The following HSPA5 variants were observed in gnomAD, a reference collection of about 807,000 sequenced individuals.
HSPA5 encodes endoplasmic reticulum chaperone BiP.
Under a neutral mutation model 49.5 loss-of-function variants are expected in HSPA5, and 16 were observed. The ratio of observed to expected loss-of-function variants is 0.32; its 90% confidence interval spans 0.22 to 0.49. The LOEUF (loss-of-function observed/expected upper bound fraction) is 0.49, where lower values mean the gene tolerates loss of function less well. Among genes scored for constraint, HSPA5 ranks in the 20% least tolerant of loss-of-function variants. The pLI, the probability that HSPA5 is intolerant of heterozygous loss-of-function variation, is 0.99. For synonymous variants in HSPA5, 271 were observed against 307.2 expected, an observed-to-expected ratio of 0.88 and a Z score of 1.23; for missense variants, 376 against 819.0, an observed-to-expected ratio of 0.46 and a Z score of 6.60.
Position 125,240,441 on chromosome 9 carries a change from G to T in HSPA5, c.355-132C>A, listed in dbSNP as rs1832549606. The stretch of plus-strand genomic sequence containing the variant: ...GCAAATTGACTAGAAATACTTCAGG[G>T]AGTATAGGTGTCTTACAAAGTTCAG... On this transcript the variant is annotated intron_variant, in intron 2 of 7. Coordinates refer to ENST00000324460, the MANE Select transcript of HSPA5 (RefSeq NM_005347.5). This position sits in a 1 kb window ranked among gnomAD's most constrained non-coding sequence, Gnocchi z 4.4. 2.5e-6 allele frequency: 2 copies of T among 794,840 alleles called. No homozygotes were observed. Among genetic ancestry groups the T allele is most frequent in the Non-Finnish European group, 2.0e-6 (1 of 497,966 alleles). 49.2% of individuals were successfully genotyped at this position (794,840 alleles called of 1,614,324 possible).
Position 125,240,563 on chromosome 9 carries a change from C to T in HSPA5, c.354+113G>A. 2.3e-6 allele frequency: 2 copies of T among 861,978 alleles called. No homozygotes were observed. The highest frequency in any genetic ancestry group is 4.8e-5 in the Admixed American group (2 of 41,658). The allele number at this position is 861,978 out of a possible 1,614,324, so 53.4% of individuals were successfully genotyped here. ...CTAATAGTATTAAAGTTATTACATACATCATGTCTATAACCTTCAACTGTT... is the reference window on the plus strand; with the variant it reads ...CTAATAGTATTAAAGTTATTACATATATCATGTCTATAACCTTCAACTGTT... On this transcript the variant is annotated intron_variant, in intron 2 of 7. Coordinates refer to ENST00000324460, the MANE Select transcript of HSPA5 (RefSeq NM_005347.5). This position sits in a 1 kb window ranked among gnomAD's most constrained non-coding sequence, Gnocchi z 4.4.
chr9:125,241,341 G>A lies in HSPA5; in HGVS notation c.-215C>T, dbSNP rs1832565466. The A allele has an allele frequency of 5.2e-6, 3 of 578,376 alleles. No individual in the cohort carries two copies. The highest frequency in any genetic ancestry group is 5.9e-6 in the Non-Finnish European group (2 of 336,174). The allele number at this position is 578,376 out of a possible 1,614,324, so 35.8% of individuals were successfully genotyped here. A position where few individuals can be genotyped will look rare whatever the true frequency, so the allele number is the denominator to read the frequency against. On this transcript the variant is annotated 5_prime_UTR_variant, in exon 1 of 8. The change creates a new upstream start codon in the 5' untranslated region. Transcript: ENST00000324460. ...ATCTGTCTGTGCTGTCTTGGCCGGC[G>A]TCGACCTCACCGTCGCCTACTCGGC...
At chr9:125,237,548 T>C (rs1285245404) in intron 7 of HSPA5, among the ~76,000 whole-genome samples, 1 of 151,608 alleles carries the variant, frequency 6.6e-6, no homozygotes, top group Non-Finnish European at 1.5e-5. Flanking sequence ...AAACTCCGCC[T>C]CTACTAAAAA....
At position 125,239,784 on chromosome 9, in the gene HSPA5, A is replaced by G. The variant is rs1003459903; in HGVS notation, c.493-251T>C. ...GTGCCTGTAGTTCCAGTTACTTGGG[A>G]GGCTGAGGCAGGAGAGCTGCTTGAA... is the stretch of plus-strand genomic sequence containing the variant. On this transcript the variant is annotated intron_variant, in intron 3 of 7. Transcript: ENST00000324460. The surrounding 1 kb of genome is among the most constrained non-coding windows in gnomAD (Gnocchi z 5.5). 5.3e-5 allele frequency among the ~76,000 whole-genome samples: 8 copies of G among 151,696 alleles called. No homozygotes were observed. The highest frequency in any genetic ancestry group is 1.2e-4 in the Non-Finnish European group (8 of 67,972).
intron 6 of HSPA5, 84 bp downstream of exon 6, chr9:125,238,506 T>C: frequency 8.4e-7 from 1 of 1,185,842 alleles, no homozygotes; most frequent in South Asian, 1.3e-5. Flanking sequence ...GTTGCTCATA[T>C]TCTGGTATTT....
chr9:125,235,584 C>T lies in HSPA5; in HGVS notation c.*1008G>A, dbSNP rs945669507. On this transcript the variant is annotated 3_prime_UTR_variant, in exon 8 of 8. Coordinates refer to ENST00000324460, the MANE Select transcript of HSPA5 (RefSeq NM_005347.5). The stretch of plus-strand genomic sequence containing the variant: ...AAGTAATCCTAAACCAGTTTTGACA[C>T]AAACCATTGCCTTTAACAACCCATT... 1 of 152,078 alleles carries T rather than the reference C, an allele frequency of 6.6e-6. No homozygotes were observed. The highest frequency in any genetic ancestry group is 2.4e-5 in the African/African-American group (1 of 41,412). The allele number at this position is 152,078 out of a possible 1,614,324, so 9.4% of individuals were successfully genotyped here. A position where few individuals can be genotyped will look rare whatever the true frequency, so the allele number is the denominator to read the frequency against.
Position 125,239,227 on chromosome 9 carries a change from A to G in HSPA5, c.710T>C (p.Ile237Thr), listed in dbSNP as rs746095580. ...GGTFDVSLLT[I>T]DNGVFEVVAT... ...CACAACTTCGAAGACACCATTGTCA[A>G]TGGTGAGAAGAGACACATCGAAGGT... Residue 237 changes from isoleucine (I) to threonine (T), a missense_variant, in exon 5 of 8, where the codon ATT becomes ACT. Physicochemically the swap from Ile to Thr is moderately conservative, Grantham distance 89. Around this residue, in one of 8 missense-constraint regions of HSPA5, gnomAD observed 10 missense variants for 57.4 expected, o/e 0.17. Transcript: ENST00000324460. This position sits in a 1 kb window ranked among gnomAD's most constrained non-coding sequence, Gnocchi z 5.5. The G allele has an allele frequency of 1.2e-6, 2 of 1,614,220 alleles. No individual in the cohort carries two copies. Among genetic ancestry groups the G allele is most frequent in the Non-Finnish European group, 1.7e-6 (2 of 1,180,040 alleles).
chr9:125,237,921 G>A (rs1378430851), intron 7 of HSPA5, among the ~76,000 whole-genome samples: 1 of 152,074 alleles, frequency 6.6e-6, no homozygotes, highest in African/African-American at 2.4e-5. Flanking sequence ...GGGAAACATG[G>A]TGAAACCCCA....
chr9:125,241,277 C>G lies in HSPA5; in HGVS notation c.-151G>C, dbSNP rs1035616975. The G allele has an allele frequency of 3.5e-6, 3 of 851,556 alleles. No individual in the cohort carries two copies. The highest frequency in any genetic ancestry group is 5.4e-6 in the Non-Finnish European group (3 of 557,606). The allele number at this position is 851,556 out of a possible 1,614,324, so 52.8% of individuals were successfully genotyped here. A position where few individuals can be genotyped will look rare whatever the true frequency, so the allele number is the denominator to read the frequency against. On this transcript the variant is annotated 5_prime_UTR_variant, in exon 1 of 8. Coordinates refer to ENST00000324460, the MANE Select transcript of HSPA5 (RefSeq NM_005347.5). ...GCAGGTCTAGAAATACAGGCCGCGGCGCTTCCCTCTCACACTCGCGAAACA... is the reference window on the plus strand; with the variant it reads ...GCAGGTCTAGAAATACAGGCCGCGGGGCTTCCCTCTCACACTCGCGAAACA...
At position 125,238,930 on chromosome 9, in the gene HSPA5, A is replaced by G; in HGVS notation, c.996+11T>C. The G allele has an allele frequency of 6.2e-7, 1 of 1,603,658 alleles. No homozygotes were observed. Among genetic ancestry groups the G allele is most frequent in the South Asian group, 1.1e-5 (1 of 90,000 alleles). ...AGATCTCATTAGCAAAGCAGAAAAC[A>G]AGGAACATACCATGTTGAGCTCTTC... On this transcript the variant is annotated intron_variant, in intron 5 of 7. Transcript: ENST00000324460.
Position 125,241,103 on chromosome 9 carries a change from C to T in HSPA5, c.24G>A (p.Ala8=), listed in dbSNP as rs201266003. 180 of 1,612,912 alleles carry T rather than the reference C, an allele frequency of 1.1e-4. No individual in the cohort carries two copies. In the African/African-American group the frequency reaches 2.1e-3, roughly 18 times the overall value. Reference sequence around the variant, plus strand: ...GCGCCGCGCTGAGCAGCAGCAGCATCGCGGCCACCAGGGAGAGCTTCATCT... The same window carrying T: ...GCGCCGCGCTGAGCAGCAGCAGCATTGCGGCCACCAGGGAGAGCTTCATCT... MKLSLVA[A]MLLLLSAARA... The change falls in exon 1 of 8, where the codon GCG becomes GCA. Residue 8 remains alanine, a synonymous_variant. Transcript: ENST00000324460.
At position 125,241,091 on chromosome 9, in the gene HSPA5, C is replaced by G. The variant is rs756048183; in HGVS notation, c.36G>C (p.Leu12=). 2 of 1,613,136 alleles carry G rather than the reference C, an allele frequency of 1.2e-6. No homozygotes were observed. The highest frequency in any genetic ancestry group is 1.7e-6 in the Non-Finnish European group (2 of 1,179,712). Residue 12 remains leucine (L), a synonymous_variant, in exon 1 of 8, where the codon CTG becomes CTC. Transcript: ENST00000324460. ...KLSLVAAMLL[L]LSAARAEEED... is the part of the protein sequence containing the mutation. ...CCTCCTCGGCCCGCGCCGCGCTGAG[C>G]AGCAGCAGCATCGCGGCCACCAGGG...
At position 125,238,781 on chromosome 9, in the gene HSPA5, T is replaced by C; in HGVS notation, c.1043A>G (p.Asp348Gly). 2 of 1,614,186 alleles carry C rather than the reference T, an allele frequency of 1.2e-6. No homozygotes were observed. Among genetic ancestry groups the C allele is most frequent in the Non-Finnish European group, 1.7e-6 (2 of 1,180,038 alleles). Residue 348 changes from aspartate (D) to glycine (G), a missense_variant, in exon 6 of 8, where the codon GAT (aspartate) becomes GGT (glycine). Physicochemically the swap from Asp to Gly is moderately conservative, Grantham distance 94. Coordinates refer to ENST00000324460, the MANE Select transcript of HSPA5 (RefSeq NM_005347.5). ...TMKPVQKVLEDSDLKKSDIDE... is the reference protein window; with the variant it reads ...TMKPVQKVLEGSDLKKSDIDE... ...AATATCAGACTTCTTCAAATCAGAA[T>C]CTTCCAACACTTTCTGGACGGGCTT...
Position 125,236,359 on chromosome 9 carries a change from C to T in HSPA5, c.*233G>A. ...TTGAAGGTGAACACACACCCTAACC[C>T]AGGTTTTTTACCCGCTTTTTAAGAT... is the stretch of plus-strand genomic sequence containing the variant. On this transcript the variant is annotated 3_prime_UTR_variant, in exon 8 of 8. Transcript: ENST00000324460. 2.1e-6 allele frequency: 1 copy of T among 475,542 alleles called. No homozygotes were observed. The highest frequency in any genetic ancestry group is 4.0e-5 in the South Asian group (1 of 24,698). 29.5% of individuals were successfully genotyped at this position (475,542 alleles called of 1,614,324 possible). A position where few individuals can be genotyped will look rare whatever the true frequency, so the allele number is the denominator to read the frequency against.
At position 125,238,973 on chromosome 9, in the gene HSPA5, G is replaced by A; in HGVS notation, c.964C>T (p.Leu322=). The A allele has an allele frequency of 1.2e-6, 2 of 1,612,588 alleles. No homozygotes were observed. Among genetic ancestry groups the A allele is most frequent in the Non-Finnish European group, 1.7e-6 (2 of 1,179,414 alleles). ...FYEGEDFSET[L]TRAKFEELNM... ...AGCTCTTCAAATTTGGCCCGAGTCA[G>A]GGTCTCAGAAAAGTCTTCTCCTTCA... is the stretch of plus-strand genomic sequence containing the variant. The change falls in exon 5 of 8, where the codon CTG becomes TTG. Residue 322 remains leucine (L), a synonymous_variant. Transcript: ENST00000324460.
rs1016940998 is a variant in HSPA5, at chr9:125,239,414, T to C, written c.605+7A>G. 6.2e-7 allele frequency: 1 copy of C among 1,614,002 alleles called. No individual in the cohort carries two copies. Among genetic ancestry groups the C allele is most frequent in the Non-Finnish European group, 8.5e-7 (1 of 1,179,824 alleles). ...AAATATGCCGTATCCCTGAATTTCATACTTACGGCTCGTTGATGATCCTCA... is the reference window on the plus strand; with the variant it reads ...AAATATGCCGTATCCCTGAATTTCACACTTACGGCTCGTTGATGATCCTCA... On this transcript the variant is annotated splice_region_variant and intron_variant, in intron 4 of 7. Transcript: ENST00000324460. This position sits in a 1 kb window ranked among gnomAD's most constrained non-coding sequence, Gnocchi z 5.5.
In HSPA5 at chr9:125,241,049, G is replaced by T. The variant is rs1442272847; in HGVS notation, c.78C>A (p.Asp26Glu). Reference protein sequence around the residue: ...ARAEEEDKKEDVGTVVGIDLG... With the variant: ...ARAEEEDKKEEVGTVVGIDLG... ...GGTCGATGCCGACCACCGTGCCCACGTCCTCCTTCTTGTCCTCCTCCTCGG... is the reference window on the plus strand; with the variant it reads ...GGTCGATGCCGACCACCGTGCCCACTTCCTCCTTCTTGTCCTCCTCCTCGG... Residue 26 changes from aspartate to glutamate, a missense_variant, in exon 1 of 8, where the codon GAC (aspartate) becomes GAA (glutamate). Around this residue, in one of 8 missense-constraint regions of HSPA5, gnomAD observed 29 missense variants for 38.7 expected, o/e 0.75. Coordinates refer to ENST00000324460, the MANE Select transcript of HSPA5 (RefSeq NM_005347.5). 3 of 1,613,894 alleles carry T rather than the reference G, an allele frequency of 1.9e-6. No individual in the cohort carries two copies. Among genetic ancestry groups the T allele is most frequent in the Non-Finnish European group, 2.5e-6 (3 of 1,180,008 alleles).
At position 125,241,234 on chromosome 9, in the gene HSPA5, C is replaced by T; in HGVS notation, c.-108G>A. The T allele has an allele frequency of 2.9e-6, 4 of 1,369,690 alleles. No individual in the cohort carries two copies. The highest frequency in any genetic ancestry group is 3.0e-6 in the Non-Finnish European group (3 of 1,009,602). The allele number at this position is 1,369,690 out of a possible 1,614,324, so 84.8% of individuals were successfully genotyped here. ...GGCAGGGGCCCGGGGTCACAAGGCG[C>T]CACGAACCAGGCGAAGGGCAGGTCT... is the stretch of plus-strand genomic sequence containing the variant. On this transcript the variant is annotated 5_prime_UTR_variant, in exon 1 of 8. Coordinates refer to ENST00000324460, the MANE Select transcript of HSPA5 (RefSeq NM_005347.5).
At chr9:125,238,050 CGA>C in intron 7 of HSPA5, 89 bp downstream of exon 7, 1 of 966,160 alleles carries the variant, frequency 1.0e-6, no homozygotes, top group Non-Finnish European at 1.6e-6. Flanking sequence ...TGCAGTGAGC[CGA>C]GATCGTGCCA....
Sources: gnomAD v4.1 joint callset for allele counts (sites outside exome capture counted in the v4.1 genomes callset) on GRCh38, gnomAD v4.1.1 for gene constraint, gnomAD v4.1.1 regional missense constraint, Gnocchi (gnomAD v3.1) non-coding constraint, MANE v1.5 for transcripts, NCBI Gene and HGNC (gene_info 2026-07-23, HGNC 2026-07-21) for gene names.